MECOM: variants seen among roughly 807,000 people sequenced by gnomAD.
MECOM encodes histone-lysine N-methyltransferase MECOM.
In MECOM, 13 loss-of-function variants were observed where a neutral mutation model predicts 116.3. The observed-to-expected ratio is 0.11, with a 90% confidence interval of 0.07 to 0.18. The LOEUF is 0.18. MECOM is among the 10% of genes least tolerant of loss of function. The pLI, the probability that MECOM is intolerant of heterozygous loss-of-function variation, is 1.00. For missense variants in MECOM, 1,299 were observed against 1,509.0 expected (o/e 0.86, Z 2.31); for synonymous variants, 528 against 535.2 (o/e 0.99, Z 0.19).
At chr3:169,161,769 T>TA (rs1435326839) in intron 2 of MECOM, among the ~76,000 whole-genome samples, 4 of 151,680 alleles carry the variant, frequency 2.6e-5, no homozygotes, top group African/African-American at 9.7e-5. Flanking sequence ...AATTTGATTA[T>TA]AAAAAAGAAG....
At chr3:169,460,610 G>C (rs1213887879) in intron 1 of MECOM, among the ~76,000 whole-genome samples, 6 of 152,098 alleles carry the variant, frequency 3.9e-5, no homozygotes, top group Admixed American at 1.3e-4. Context: ...AAAAGTACAA[G>C]AATACGTTAT....
chr3:169,180,672 C>A (rs1326689554), intron 2 of MECOM, among the ~76,000 whole-genome samples: 6 of 151,370 alleles, frequency 4.0e-5, no homozygotes, highest in African/African-American at 1.2e-4. Context: ...TCTTCACCTT[C>A]TTTCCTTCTG....
At chr3:169,086,665 C>T (rs1017479363) in intron 16 of MECOM, 4 of 673,194 alleles carry the variant, frequency 5.9e-6, no homozygotes, top group Non-Finnish European at 1.1e-5. Flanking sequence ...GTGTGCCTGA[C>T]TGAGGTAATA....
At chr3:169,274,346 GA>G (rs1166915046) in intron 2 of MECOM, among the ~76,000 whole-genome samples, 1 of 152,164 alleles carries the variant, frequency 6.6e-6, no homozygotes, top group Non-Finnish European at 1.5e-5. Context: ...ATGAGAATAA[GA>G]AATCTAATAA....
intron 1 of MECOM, among the ~76,000 whole-genome samples, chr3:169,422,556 GTTCAGATCACA>G (rs1282675308): frequency 6.6e-6 from 1 of 151,852 alleles, no homozygotes; most frequent in Non-Finnish European, 1.5e-5. Context: ...TTGTCTAACA[GTTCAGATCACA>G]TTCTTTTGAA....
chr3:169,398,787 AC>A (rs1735406932), intron 1 of MECOM, among the ~76,000 whole-genome samples: 1 of 152,142 alleles, frequency 6.6e-6, no homozygotes, highest in South Asian at 2.1e-4. Context: ...AGGAAACTAA[AC>A]CAACACACAC....
intron 2 of MECOM, among the ~76,000 whole-genome samples, chr3:169,215,243 T>TC (rs1751276153): frequency 2.1e-4 from 1 of 4,734 alleles, no homozygotes; most frequent in Non-Finnish European, 4.2e-4. Flanking sequence ...TCCTCTTTCC[T>TC]TTTTTTTTTT....
chr3:169,226,763 C>T (rs1752774151), intron 2 of MECOM, among the ~76,000 whole-genome samples: 1 of 152,198 alleles, frequency 6.6e-6, no homozygotes, highest in South Asian at 2.1e-4. Context: ...AGAGGTCTTA[C>T]ATAAAGTGCT....
At chr3:169,197,621 A>G (rs540711144) in intron 2 of MECOM, among the ~76,000 whole-genome samples, 1 of 152,160 alleles carries the variant, frequency 6.6e-6, no homozygotes, top group Admixed American at 6.6e-5. Flanking sequence ...AATTTACATC[A>G]TAGAATTCTC....
At chr3:169,483,929 C>G (rs1019927141) in intron 1 of MECOM, 363 of 1,608,032 alleles carry the variant, frequency 2.3e-4, no homozygotes, top group Non-Finnish European at 2.9e-4. Context: ...TCCTTTCTTG[C>G]AAAAACTGCT....
intron 1 of MECOM, among the ~76,000 whole-genome samples, chr3:169,647,054 T>G (rs1195904351): frequency 6.6e-6 from 1 of 152,192 alleles, no homozygotes; most frequent in Non-Finnish European, 1.5e-5. Flanking sequence ...TAAAGTGTCT[T>G]TTTTCCAAAA....
At chr3:169,274,354 A>G (rs1411829790) in intron 2 of MECOM, among the ~76,000 whole-genome samples, 2 of 152,196 alleles carry the variant, frequency 1.3e-5, no homozygotes, top group Admixed American at 6.5e-5. Context: ...AAGAAATCTA[A>G]TAAGGCCATT....
intron 2 of MECOM, among the ~76,000 whole-genome samples, chr3:169,211,487 A>G (rs898423152): frequency 1.3e-5 from 2 of 152,110 alleles, no homozygotes; most frequent in African/African-American, 2.4e-5. Context: ...TTGACCATCA[A>G]TGGTCTCTGA....
intron 1 of MECOM, among the ~76,000 whole-genome samples, chr3:169,586,727 T>C (rs1466632107): frequency 1.3e-5 from 2 of 152,230 alleles, no homozygotes; most frequent in Non-Finnish European, 2.9e-5. Flanking sequence ...ATTCTGTTTG[T>C]TTGTTTTAAT....
At chr3:169,289,738 A>G (rs1714130791) in intron 2 of MECOM, among the ~76,000 whole-genome samples, 1 of 152,170 alleles carries the variant, frequency 6.6e-6, no homozygotes, top group Non-Finnish European at 1.5e-5. Context: ...CGGGCAGGGG[A>G]ATAAAGAGGA....
At position 169,582,171 on chromosome 3, in the gene MECOM, G is replaced by T. The variant is rs540562551; in HGVS notation, c.37+81165C>A. 2.6e-5 allele frequency among the ~76,000 whole-genome samples: 4 copies of T among 152,270 alleles called. No individual in the cohort carries two copies. The South Asian group carries it at 8.3e-4, about 32-fold the overall frequency. ...ATGCATAATACCTTGTTTTTCTTAA[G>T]CGTTTCGTCAGAGAGCTTCTTGTGA... is the stretch of plus-strand genomic sequence containing the variant. On this transcript the variant is annotated intron_variant, in intron 1 of 16. Transcript: ENST00000651503.
At chr3:169,493,485 C>T (rs956501354) in intron 1 of MECOM, among the ~76,000 whole-genome samples, 2 of 152,108 alleles carry the variant, frequency 1.3e-5, no homozygotes, top group Non-Finnish European at 2.9e-5. Context: ...AGGAACACCA[C>T]ACTCTGCTTT....
chr3:169,500,586 A>G (rs913439451), intron 1 of MECOM, among the ~76,000 whole-genome samples: 3 of 151,988 alleles, frequency 2.0e-5, no homozygotes, highest in African/African-American at 7.2e-5. Context: ...TTTATACAAA[A>G]AAACACATAT....
intron 1 of MECOM, among the ~76,000 whole-genome samples, chr3:169,514,178 T>A (rs1270135007): frequency 6.6e-6 from 1 of 152,202 alleles, no homozygotes; most frequent in Non-Finnish European, 1.5e-5. Context: ...AGTGCTTAAG[T>A]GAACTCCAGA....
Sources: gnomAD v4.1 joint callset for allele counts (sites outside exome capture counted in the v4.1 genomes callset) on GRCh38, gnomAD v4.1.1 for gene constraint, MANE v1.5 for transcripts, NCBI Gene and HGNC (gene_info 2026-07-23, HGNC 2026-07-21) for gene names.